The following CARMIL3 variants were observed in gnomAD, a reference collection of about 807,000 sequenced individuals.
CARMIL3 encodes capping protein regulator and myosin 1 linker 3, also known as capping protein, Arp2/3 and myosin-I linker protein 3.
A neutral mutation model predicts 180.8 loss-of-function variants in CARMIL3; 88 were observed. The ratio of observed to expected loss-of-function variants is 0.49; its 90% confidence interval spans 0.41 to 0.58. The LOEUF is 0.58. Among genes scored for constraint, CARMIL3 ranks in the 20% least tolerant of loss-of-function variants. The pLI, the probability that CARMIL3 is intolerant of heterozygous loss-of-function variation, is 0.00. For missense variants in CARMIL3, 1,548 were observed against 1,787.0 expected (o/e 0.87, Z 2.41); for synonymous variants, 696 against 714.5 (o/e 0.97, Z 0.41).
rs1594554279 is a variant in CARMIL3 at position 24,065,247 on chromosome 14, CG to C, written c.3374del (p.Gly1125AspfsTer103). 5.2e-6 allele frequency: 8 copies of C among 1,544,020 alleles called. No individual in the cohort carries two copies. The highest frequency in any genetic ancestry group is 2.3e-5 in the East Asian group (1 of 43,584). On this transcript the variant is annotated frameshift_variant, in exon 33 of 40. Coordinates refer to ENST00000342740, the MANE Select transcript of CARMIL3 (RefSeq NM_138360.4). LOFTEE classifies it high-confidence loss of function. ...SSLLPGFGGG[R>X]GPSFRRKMGT... is the part of the protein sequence containing the mutation. ...CCTCCTCCCTGGATTTGGTGGGGGC[CG>C]GGGACCTTCCTTCCGCCGGAAGATG...
At chr14:24,066,733 G>A (rs931008834) in intron 36 of CARMIL3, 77 bp downstream of exon 36, 2 of 1,480,130 alleles carry the variant, frequency 1.4e-6, no homozygotes, top group Non-Finnish European at 1.8e-6. Context: ...CATGGCCCCT[G>A]TGCTGGGGAA....
At chr14:24,053,639 T>G in intron 1 of CARMIL3, 70 bp from the exon 2 acceptor site, 1 of 1,164,790 alleles carries the variant, frequency 8.6e-7, no homozygotes, top group Non-Finnish European at 1.2e-6. Flanking sequence ...TGCCTCTATC[T>G]GGAGAGCTCT....
At position 24,065,090 on chromosome 14, in the gene CARMIL3, G is replaced by C. The variant is rs748791609; in HGVS notation, c.3213G>C (p.Gly1071=). The C allele has an allele frequency of 1.9e-6, 3 of 1,579,858 alleles. No individual in the cohort carries two copies. Among genetic ancestry groups the C allele is most frequent in the African/African-American group, 2.7e-5 (2 of 73,190 alleles). ...GCTTCAAGGGGGACAGGGGGCCGGG[G>C]TCCCCTACCACTGGACTCCTCCTCC... ...PRSFKGDRGP[G]SPTTGLLLPP... Residue 1071 remains glycine (G), a synonymous_variant, in exon 33 of 40, where the codon GGG becomes GGC. Transcript: ENST00000342740.
At position 24,054,215 on chromosome 14, in the gene CARMIL3, G is replaced by C. The variant is rs754471602; in HGVS notation, c.187-27G>C. ...AGCCTGGCAACCCAGGTCCTTACCA[G>C]GAGCTGAGCATCTCCATCCCTCCTA... On this transcript the variant is annotated intron_variant, in intron 3 of 39. Transcript: ENST00000342740. The surrounding 1 kb of genome is among the most constrained non-coding windows in gnomAD (Gnocchi z 5.1). The C allele has an allele frequency of 1.2e-6, 2 of 1,614,050 alleles. No homozygotes were observed. Among genetic ancestry groups the C allele is most frequent in the African/African-American group, 2.7e-5 (2 of 74,934 alleles).
rs2035700977 is a variant in CARMIL3 at position 24,058,832 on chromosome 14, G to A, written c.1475-58G>A. ...GCCTGGAGCATGCAGAAGCAGCCCT[G>A]ATGGGACACCAGTCAGCCTCAGGCC... On this transcript the variant is annotated intron_variant, in intron 18 of 39. Coordinates refer to ENST00000342740, the MANE Select transcript of CARMIL3 (RefSeq NM_138360.4). This position sits in a 1 kb window ranked among gnomAD's most constrained non-coding sequence, Gnocchi z 6.4. 1 of 1,612,908 alleles carries A rather than the reference G, an allele frequency of 6.2e-7. No homozygotes were observed. The highest frequency in any genetic ancestry group is 1.3e-5 in the African/African-American group (1 of 74,890).
chr14:24,066,829 A>G (rs908265929), intron 36 of CARMIL3, among the ~76,000 whole-genome samples, 173 bp downstream of exon 36: 18 of 152,282 alleles, frequency 1.2e-4, no homozygotes, highest in African/African-American at 4.1e-4. Flanking sequence ...AGAGACAAAC[A>G]ACCCAATCCA....
At chr14:24,065,835 G>C (rs1212869571) in intron 34 of CARMIL3, 85 bp downstream of exon 34, 1 of 1,540,542 alleles carries the variant, frequency 6.5e-7, no homozygotes, top group African/African-American at 1.4e-5. Flanking sequence ...ATCCCTGGTG[G>C]TTCAGTAGAG....
intron 31 of CARMIL3, 61 bp from the exon 32 acceptor site, chr14:24,064,185 G>A (rs926337769): frequency 1.3e-5 from 15 of 1,136,874 alleles, no homozygotes; most frequent in Non-Finnish European, 1.8e-5. Flanking sequence ...TGCTCTGAGT[G>A]GATGGGAGGT....
In CARMIL3 at chr14:24,069,675, C is replaced by T. The variant is rs576082908; in HGVS notation, c.*271C>T. 3.6e-6 allele frequency: 2 copies of T among 550,796 alleles called. No homozygotes were observed. The highest frequency in any genetic ancestry group is 3.8e-5 in the African/African-American group (2 of 53,088). 34.1% of individuals were successfully genotyped at this position (550,796 alleles called of 1,614,324 possible). A position where few individuals can be genotyped will look rare whatever the true frequency, so the allele number is the denominator to read the frequency against. On this transcript the variant is annotated 3_prime_UTR_variant, in exon 40 of 40. Coordinates refer to ENST00000342740, the MANE Select transcript of CARMIL3 (RefSeq NM_138360.4). Reference sequence around the variant, plus strand: ...CCCCCAGGAGGGTGGATCTCTGTCCCTCTATCCCCAGGGACTCTCTCCCCT... The same window carrying T: ...CCCCCAGGAGGGTGGATCTCTGTCCTTCTATCCCCAGGGACTCTCTCCCCT...
chr14:24,064,093 CAAAA>C (rs564964326), intron 31 of CARMIL3, among the ~76,000 whole-genome samples, 149 bp from the exon 32 acceptor site: 3 of 64,176 alleles, frequency 4.7e-5, no homozygotes, highest in Admixed American at 1.6e-4. Context: ...GACTCCGTCT[CAAAA>C]AAAAAAAAAA....
chr14:24,069,130 A>G lies in CARMIL3; in HGVS notation c.3983-7A>G. On this transcript the variant is annotated splice_polypyrimidine_tract_variant and splice_region_variant and intron_variant, in intron 38 of 39. Transcript: ENST00000342740. Reference sequence around the variant, plus strand: ...CTGTGTTAGGCCTGCCTTGATTGTTATTTCAGGGCCCCCTGATCCAGGCCG... The same window carrying G: ...CTGTGTTAGGCCTGCCTTGATTGTTGTTTCAGGGCCCCCTGATCCAGGCCG... The G allele has an allele frequency of 6.2e-7, 1 of 1,613,806 alleles. No homozygotes were observed. Among genetic ancestry groups the G allele is most frequent in the Non-Finnish European group, 8.5e-7 (1 of 1,179,900 alleles).
rs192783330 is a variant in CARMIL3, at chr14:24,063,519, C to G, written c.2965C>G (p.Pro989Ala). Residue 989 changes from proline (P) to alanine (A), a missense_variant, in exon 31 of 40, where the codon CCT becomes GCT. Transcript: ENST00000342740. ...CCCCCCCAGGACCACACCTCCAGGA[C>G]CTGGTCGACCCAGTGTGAGTCCCTA... ...PRPPRTTPPGPGRPSMPAPGT... is the reference protein window; with the variant it reads ...PRPPRTTPPGAGRPSMPAPGT... 8.8e-5 allele frequency: 142 copies of G among 1,611,426 alleles called. No homozygotes were observed. In the African/African-American group the frequency reaches 1.4e-3, roughly 16 times the overall value.
rs377234963 is a variant in CARMIL3 at position 24,055,120 on chromosome 14, G to C, written c.515G>C (p.Arg172Pro). ...ALCDYNGLHC[R>P]EEVQWDVDTI... ...TGTGACTACAATGGGCTACACTGCC[G>C]TGAGGAGGTTCAATGGGTATGTTGG... Residue 172 changes from arginine to proline, a missense_variant, in exon 7 of 40, where the codon CGT becomes CCT. By Grantham distance (103) the Arg-to-Pro change is moderately radical. Around this residue, in one of 4 missense-constraint regions of CARMIL3, gnomAD observed 578 missense variants for 666.5 expected, o/e 0.87. Coordinates refer to ENST00000342740, the MANE Select transcript of CARMIL3 (RefSeq NM_138360.4). 3 of 1,613,994 alleles carry C rather than the reference G, an allele frequency of 1.9e-6. No homozygotes were observed.
intron 11 of CARMIL3, 48 bp from the exon 12 acceptor site, chr14:24,056,574 C>T: frequency 1.3e-6 from 2 of 1,595,338 alleles, no homozygotes; most frequent in Non-Finnish European, 1.7e-6. Flanking sequence ...GCCACCTGCA[C>T]CCACTGCCCT....
chr14:24,062,998 C>T, intron 29 of CARMIL3, 122 bp from the exon 30 acceptor site: 1 of 1,541,902 alleles, frequency 6.5e-7, no homozygotes, highest in East Asian at 2.3e-5. Context: ...AACCTCTTCC[C>T]TCATCCCAGT....
intron 1 of CARMIL3, among the ~76,000 whole-genome samples, chr14:24,052,828 G>A (rs551921289): frequency 1.3e-5 from 2 of 152,256 alleles, no homozygotes; most frequent in Non-Finnish European, 2.9e-5. Flanking sequence ...GGCTTCTCCC[G>A]TTTGCATGGT....
intron 36 of CARMIL3, 69 bp downstream of exon 36, chr14:24,066,725 T>C (rs975339268): frequency 6.5e-7 from 1 of 1,528,402 alleles, no homozygotes; most frequent in Non-Finnish European, 9.0e-7. Context: ...CAGAAGCCCA[T>C]GGCCCCTGTG....
Position 24,063,304 on chromosome 14 carries a change from CTA to C in CARMIL3, c.2771-20_2771-19del. ...TCTCCCCATTCCTCTGCTAGTCCCT[CTA>C]ATGCTGCTGTCTTTGCAGGCGGGAG... On this transcript the variant is annotated intron_variant, in intron 30 of 39. Transcript: ENST00000342740. 1 of 1,594,674 alleles carries C rather than the reference CTA, an allele frequency of 6.3e-7. No individual in the cohort carries two copies. Among genetic ancestry groups the C allele is most frequent in the Non-Finnish European group, 8.6e-7 (1 of 1,166,658 alleles).
chr14:24,056,675 CTG>C lies in CARMIL3; in HGVS notation c.922_923del (p.Cys308ProfsTer44). On this transcript the variant is annotated frameshift_variant, in exon 12 of 40. Coordinates refer to ENST00000342740, the MANE Select transcript of CARMIL3 (RefSeq NM_138360.4). LOFTEE classifies it high-confidence loss of function. ...CTGCTTCCCCTCTGGCCTCACCAAA[CTG>C]TGCCTGGCCAAGACTGCCATTTCCC... ...LLCFPSGLTK[L>X]CLAKTAISPR... 1 of 1,613,740 alleles carries C rather than the reference CTG, an allele frequency of 6.2e-7. No homozygotes were observed. The highest frequency in any genetic ancestry group is 8.5e-7 in the Non-Finnish European group (1 of 1,180,030).
Sources: allele counts gnomAD v4.1 joint callset (sites outside exome capture counted in the v4.1 genomes callset), GRCh38; gene constraint gnomAD v4.1.1; regional missense constraint gnomAD v4.1.1; non-coding constraint Gnocchi (gnomAD v3.1); transcripts MANE v1.5; gene names NCBI Gene and HGNC (gene_info 2026-07-23, HGNC 2026-07-21).